GRID2: variants seen among roughly 807,000 people sequenced by gnomAD.
GRID2 encodes glutamate receptor ionotropic, delta-2.
In GRID2, 33 loss-of-function variants were observed where a neutral mutation model predicts 114.8. The ratio of observed to expected loss-of-function variants is 0.29; its 90% CI spans 0.22 to 0.38. The LOEUF (loss-of-function observed/expected upper bound fraction) is 0.38, where lower values mean the gene tolerates loss of function less well. Ranked by LOEUF, GRID2 falls within the 10% of genes least tolerant of loss-of-function variation. GRID2 has a pLI of 1.00. For missense variants in GRID2, 1,184 were observed against 1,257.7 expected (o/e 0.94, Z 0.89); for synonymous variants, 505 against 449.9 (o/e 1.12, Z -1.55).
chr4:92,714,703 G>C (rs1735445629), intron 2 of GRID2, among the ~76,000 whole-genome samples: 1 of 152,202 alleles, frequency 6.6e-6, no homozygotes, highest in East Asian at 1.9e-4. Context: ...CTTGGGGCTT[G>C]CACCCTCTAA....
At position 93,128,047 on chromosome 4, in the gene GRID2, A is replaced by AAC. The variant is rs1560908510; in HGVS notation, c.735+17095_735+17096insCA. 2.3e-3 allele frequency among the ~76,000 whole-genome samples: 330 copies of AAC among 145,068 alleles called. 2 individuals are homozygous for AAC. The highest frequency in any genetic ancestry group is 8.2e-3 in the African/African-American group (313 of 38,236). ...CGCAACAAAAAAAAAAAAAAAAAAA[A>AAC]AAAAAAAAAAAACAACAGTACGTGC... On this transcript the variant is annotated intron_variant, in intron 4 of 15. Transcript: ENST00000282020.
At chr4:93,647,723 G>A (rs1377963638) in intron 14 of GRID2, among the ~76,000 whole-genome samples, 1 of 152,046 alleles carries the variant, frequency 6.6e-6, no homozygotes, top group Non-Finnish European at 1.5e-5. Context: ...CTAATGGGAT[G>A]GAAGAAATGT....
chr4:93,743,103 G>A (rs1731554113), intron 14 of GRID2, among the ~76,000 whole-genome samples: 1 of 152,158 alleles, frequency 6.6e-6, no homozygotes, highest in South Asian at 2.1e-4. Context: ...ACTGAAAATG[G>A]AGAAAGTTTA....
rs76826171 is a variant in GRID2 at position 92,834,262 on chromosome 4, T to A, written c.244+243976T>A. On this transcript the variant is annotated intron_variant, in intron 2 of 15. Transcript: ENST00000282020. ...GGGAGGTTCTCTTTTGATTTTTATT[T>A]CATATATTTTCTTTTGTTTTGTCTA... is the stretch of plus-strand genomic sequence containing the variant. Among the ~76,000 whole-genome samples the A allele has an allele frequency of 6.0e-3, 917 of 152,294 alleles. 9 individuals carry two copies. Among genetic ancestry groups the A allele is most frequent in the African/African-American group, 0.021 (869 of 41,570 alleles).
chr4:93,164,814 A>G, intron 4 of GRID2: 1 of 370,706 alleles, frequency 2.7e-6, no homozygotes, highest in South Asian at 1.9e-5. Context: ...CACTTACGTG[A>G]CAATTGGAGT....
chr4:92,725,562 G>C (rs1198869375), intron 2 of GRID2, among the ~76,000 whole-genome samples: 3 of 152,058 alleles, frequency 2.0e-5, no homozygotes, highest in African/African-American at 4.8e-5. Context: ...AGTTGAGTAA[G>C]GGCTTCATTT....
At chr4:93,449,607 G>A (rs941926964) in intron 10 of GRID2, among the ~76,000 whole-genome samples, 1 of 152,020 alleles carries the variant, frequency 6.6e-6, no homozygotes, top group African/African-American at 2.4e-5. Context: ...CTTTTACAAA[G>A]CACTTTAAAC....
intron 11 of GRID2, among the ~76,000 whole-genome samples, chr4:93,479,063 A>G (rs569958405): frequency 2.0e-4 from 31 of 152,236 alleles, no homozygotes; most frequent in African/African-American, 7.0e-4. Context: ...CACCACAGTA[A>G]AGCAAATATC....
At chr4:92,901,031 G>T (rs189041284) in intron 2 of GRID2, among the ~76,000 whole-genome samples, 39 of 151,946 alleles carry the variant, frequency 2.6e-4, no homozygotes, top group African/African-American at 9.2e-4. Flanking sequence ...GAGTCCTGCT[G>T]CAAACGTGAA....
At position 92,746,847 on chromosome 4, in the gene GRID2, T is replaced by C. The variant is rs548440541; in HGVS notation, c.244+156561T>C. On this transcript the variant is annotated intron_variant, in intron 2 of 15. Transcript: ENST00000282020. ...GCCTGAAATTACATGTCACTCTCTC[T>C]ATAGAAAGGTAACTTTTTCCTTTAA... 7.9e-5 allele frequency among the ~76,000 whole-genome samples: 12 copies of C among 152,220 alleles called. No individual in the cohort carries two copies. In the East Asian group the frequency reaches 2.3e-3, roughly 29 times the overall value.
chr4:93,237,266 T>C (rs1454880970), intron 7 of GRID2, among the ~76,000 whole-genome samples: 1 of 151,972 alleles, frequency 6.6e-6, no homozygotes, highest in African/African-American at 2.4e-5. Context: ...ATTATTACTA[T>C]TATAAAAATA....
intron 2 of GRID2, among the ~76,000 whole-genome samples, chr4:92,780,717 C>T (rs1297409356): frequency 2.6e-5 from 4 of 152,016 alleles, no homozygotes; most frequent in African/African-American, 4.8e-5. Flanking sequence ...CTGGTAAGCC[C>T]TCTCTTCAAG....
chr4:93,711,024 A>G (rs1728434635), intron 14 of GRID2, among the ~76,000 whole-genome samples: 2 of 152,052 alleles, frequency 1.3e-5, no homozygotes, highest in African/African-American at 2.4e-5. Context: ...AATGCTGTCC[A>G]GGAGCTAAGG....
intron 14 of GRID2, among the ~76,000 whole-genome samples, chr4:93,764,351 A>T (rs759197809): frequency 6.6e-6 from 1 of 152,202 alleles, no homozygotes; most frequent in Non-Finnish European, 1.5e-5. Context: ...TTTTGGATGA[A>T]AAAAAGGAAA....
chr4:92,646,389 C>T (rs1731625431), intron 2 of GRID2, among the ~76,000 whole-genome samples: 1 of 152,216 alleles, frequency 6.6e-6, no homozygotes, highest in Admixed American at 6.5e-5. Flanking sequence ...ACATTATTAA[C>T]CTGCCTGTAC....
chr4:92,826,305 G>C (rs1038533964), intron 2 of GRID2, among the ~76,000 whole-genome samples: 3 of 152,046 alleles, frequency 2.0e-5, no homozygotes, highest in Admixed American at 2.0e-4. Context: ...TGATTCCTAA[G>C]ACTCTTTTGC....
intron 1 of GRID2, among the ~76,000 whole-genome samples, chr4:92,494,276 T>C (rs1723284358): frequency 6.6e-6 from 1 of 151,992 alleles, no homozygotes; most frequent in East Asian, 1.9e-4. Context: ...TAATGGATTC[T>C]CCTTTTTATA....
At chr4:92,946,199 C>T (rs919303070) in intron 2 of GRID2, among the ~76,000 whole-genome samples, 1 of 151,986 alleles carries the variant, frequency 6.6e-6, no homozygotes, top group African/African-American at 2.4e-5. Flanking sequence ...TCCATCAAAG[C>T]CTTCAAAATG....
At chr4:92,377,268 C>A (rs954980325) in intron 1 of GRID2, among the ~76,000 whole-genome samples, 2 of 152,110 alleles carry the variant, frequency 1.3e-5, no homozygotes, top group African/African-American at 4.8e-5. Flanking sequence ...AAGTTCCACA[C>A]ATCTCTGGGA....
Sources: gnomAD v4.1 joint callset for allele counts (sites outside exome capture counted in the v4.1 genomes callset) on GRCh38, gnomAD v4.1.1 for gene constraint, MANE v1.5 for transcripts, NCBI Gene and HGNC (gene_info 2026-07-23, HGNC 2026-07-21) for gene names.